Variants in MAPT observed in about 807,000 individuals in gnomAD.
MAPT encodes the protein microtubule-associated protein tau.
A neutral mutation model predicts 67.9 loss-of-function variants in MAPT; 34 were observed. The observed-to-expected ratio is 0.50, with a 90% CI of 0.38 to 0.67. The LOEUF is 0.67. MAPT is among the 30% of genes least tolerant of loss of function. The probability of loss-of-function intolerance (pLI) is 0.00; values close to 1 mark genes in which losing one functional copy is unlikely to be tolerated. For missense variants in MAPT, 881 were observed against 1,115.2 expected (o/e 0.79, Z 2.99); for synonymous variants, 456 against 464.5 (o/e 0.98, Z 0.23).
At chr17:46,021,872 G>A (rs2076548799) in intron 12 of MAPT, among the ~76,000 whole-genome samples, 1 of 152,114 alleles carries the variant, frequency 6.6e-6, no homozygotes, top group Admixed American at 6.5e-5. Flanking sequence ...GATCCCCGCA[G>A]CATTAGTCCC....
At chr17:45,954,348 G>A (rs1294098155) in intron 1 of MAPT, among the ~76,000 whole-genome samples, 1 of 152,138 alleles carries the variant, frequency 6.6e-6, no homozygotes, top group African/African-American at 2.4e-5. Flanking sequence ...AGAAAAAAAT[G>A]TGCCGACTCT....
intron 1 of MAPT, among the ~76,000 whole-genome samples, chr17:45,933,850 T>C (rs1293413601): frequency 6.6e-6 from 1 of 151,692 alleles, no homozygotes; most frequent in Non-Finnish European, 1.5e-5. Flanking sequence ...ATTTTTTTTT[T>C]TTTTTTTTGC....
At position 45,983,313 on chromosome 17, in the gene MAPT, C is replaced by G; in HGVS notation, c.734C>G (p.Pro245Arg). 2.5e-6 allele frequency: 4 copies of G among 1,601,128 alleles called. No individual in the cohort carries two copies. The highest frequency in any genetic ancestry group is 3.4e-6 in the Non-Finnish European group (4 of 1,174,580). The change falls in exon 5 of 13, where the codon CCT becomes CGT. Residue 245 changes from proline to arginine, a missense_variant. Transcript: ENST00000262410. ...GGCCCCAGAGAGGCCACACGCCAAC[C>G]TTCGGGGACAGGACCTGAGGACACA... is the stretch of plus-strand genomic sequence containing the variant. ...PEGPREATRQ[P>R]SGTGPEDTEG...
At chr17:45,932,847 C>T (rs1237992617) in intron 1 of MAPT, among the ~76,000 whole-genome samples, 1 of 151,920 alleles carries the variant, frequency 6.6e-6, no homozygotes, top group Non-Finnish European at 1.5e-5. Context: ...TTTGGGAGGC[C>T]GAGGCAGGTG....
At chr17:45,955,693 AG>A (rs2069562212) in intron 1 of MAPT, among the ~76,000 whole-genome samples, 1 of 151,344 alleles carries the variant, frequency 6.6e-6, no homozygotes, top group South Asian at 2.1e-4. Flanking sequence ...CAGAAGGCAG[AG>A]GGGAGAACGG....
intron 11 of MAPT, among the ~76,000 whole-genome samples, chr17:46,014,748 C>G (rs1030546925): frequency 2.0e-5 from 3 of 152,118 alleles, no homozygotes; most frequent in African/African-American, 7.2e-5. Flanking sequence ...GTGGTGGGCG[C>G]CTGTAGTCCC....
rs1324032553 is a variant in MAPT, at chr17:46,018,599, T to C, written c.2174-19T>C. On this transcript the variant is annotated intron_variant, in intron 11 of 12. Transcript: ENST00000262410. ...ACAGAAGATGATGGCAAGATGCTCT[T>C]GTGTGTGTTGTGTTCTAGGAGGTGG... 1 of 1,520,688 alleles carries C rather than the reference T, an allele frequency of 6.6e-7. No homozygotes were observed. Among genetic ancestry groups the C allele is most frequent in the Non-Finnish European group, 9.1e-7 (1 of 1,094,966 alleles). The allele number at this position is 1,520,688 out of a possible 1,614,324, so 94.2% of individuals were successfully genotyped here. A position where few individuals can be genotyped will look rare whatever the true frequency, so the allele number is the denominator to read the frequency against.
intron 5 of MAPT, among the ~76,000 whole-genome samples, chr17:45,984,242 G>T (rs2073313783): frequency 6.6e-6 from 1 of 152,162 alleles, no homozygotes; most frequent in Non-Finnish European, 1.5e-5. Flanking sequence ...CCCACAGGAG[G>T]TTTGGTGGGT....
At chr17:45,951,841 C>G (rs920159790) in intron 1 of MAPT, among the ~76,000 whole-genome samples, 1 of 152,114 alleles carries the variant, frequency 6.6e-6, no homozygotes, top group African/African-American at 2.4e-5. Context: ...CCTTACCTCC[C>G]ACCCCACTGC....
chr17:45,904,301 A>T lies in MAPT; in HGVS notation c.-18+9615A>T, dbSNP rs1210737104. 3.0e-4 allele frequency among the ~76,000 whole-genome samples: 13 copies of T among 43,222 alleles called. 1 individual carries two copies. The highest frequency in any genetic ancestry group is 1.8e-3 in the East Asian group (2 of 1,110). 28.4% of individuals were successfully genotyped at this position (43,222 alleles called of 152,430 possible). On this transcript the variant is annotated intron_variant, in intron 1 of 12. Coordinates refer to ENST00000262410, the MANE Select transcript of MAPT (RefSeq NM_001377265.1). ...ATATATATAATATGTATAATATATA[A>T]TATATATAAAAACATATATAATATA...
chr17:45,930,440 A>G (rs1276956168), intron 1 of MAPT, among the ~76,000 whole-genome samples: 1 of 151,964 alleles, frequency 6.6e-6, no homozygotes, highest in Admixed American at 6.6e-5. Context: ...GGAAAGCTAA[A>G]GGAGAGAGAC....
Position 45,991,670 on chromosome 17 carries a change from G to A in MAPT, c.1732+84G>A. ...TCATTTTAGGAGGCCTTAGGCCACT[G>A]AGAATGAATAACCCCTGGCAGCTGG... On this transcript the variant is annotated intron_variant, in intron 8 of 12. Transcript: ENST00000262410. The A allele has an allele frequency of 2.5e-6, 4 of 1,593,794 alleles. No individual in the cohort carries two copies. The Admixed American group carries it at 6.7e-5, about 27-fold the overall frequency.
In MAPT at chr17:45,983,911, C is replaced by T. The variant is rs63750862; in HGVS notation, c.1332C>T (p.Ser444=). 6 of 1,575,434 alleles carry T rather than the reference C, an allele frequency of 3.8e-6. No individual in the cohort carries two copies. The African/African-American group carries it at 5.5e-5, about 14-fold the overall frequency. Residue 444 remains serine (S), a synonymous_variant, in exon 5 of 13, where the codon AGC becomes AGT. Transcript: ENST00000262410. ...CTGCTCCGCGGGGGAAGCCCGTCAGCCGGGTCCCTCAACTCAAAGGTCTGT... is the reference window on the plus strand; with the variant it reads ...CTGCTCCGCGGGGGAAGCCCGTCAGTCGGGTCCCTCAACTCAAAGGTCTGT... The part of the protein sequence containing the change: ...PAAAPRGKPV[S]RVPQLKARMV...
intron 1 of MAPT, chr17:45,910,648 A>C (rs2064708905): frequency 6.6e-6 from 1 of 150,552 alleles, no homozygotes; most frequent in Non-Finnish European, 1.5e-5. Context: ...TAAATAAATC[A>C]ACAGATGGCT....
intron 3 of MAPT, chr17:45,972,791 T>G (rs2071857412): frequency 6.5e-6 from 1 of 153,624 alleles, no homozygotes; most frequent in Non-Finnish European, 1.4e-5. Flanking sequence ...AAAAGGGCCC[T>G]GAAACTAAAT....
intron 7 of MAPT, chr17:45,990,555 G>A (rs1006327206): frequency 2.4e-6 from 1 of 419,242 alleles, no homozygotes; most frequent in Non-Finnish European, 4.7e-6. Context: ...GGCAGAGGTT[G>A]TAGTTAGCTC....
rs1415371715 is a variant in MAPT, at chr17:45,938,726, T to C, written c.-17-23595T>C. ...GGTATGATCACAGCTCACTGCAGCC[T>C]CGACGTCTCTGGGCTCAGGTGATCC... is the stretch of plus-strand genomic sequence containing the variant. On this transcript the variant is annotated intron_variant, in intron 1 of 12. Coordinates refer to ENST00000262410, the MANE Select transcript of MAPT (RefSeq NM_001377265.1). 2.0e-5 allele frequency among the ~76,000 whole-genome samples: 3 copies of C among 152,014 alleles called. No homozygotes were observed. The East Asian group carries it at 5.8e-4, about 29-fold the overall frequency.
At chr17:46,001,029 G>A (rs986712297) in intron 9 of MAPT, among the ~76,000 whole-genome samples, 2 of 152,160 alleles carry the variant, frequency 1.3e-5, no homozygotes, top group Non-Finnish European at 2.9e-5. Flanking sequence ...AGGAGTTCAA[G>A]ACCAGCCTGG....
chr17:45,980,453 G>T (rs1206803963), intron 4 of MAPT: 1 of 150,106 alleles, frequency 6.7e-6, no homozygotes, highest in East Asian at 2.0e-4. Context: ...GCTGTGAGCC[G>T]AGATCATGCC....
Sources: allele counts gnomAD v4.1 joint callset (sites outside exome capture counted in the v4.1 genomes callset), GRCh38; gene constraint gnomAD v4.1.1; transcripts MANE v1.5; gene names NCBI Gene and HGNC (gene_info 2026-07-23, HGNC 2026-07-21).